ISY1: variants seen among roughly 807,000 people sequenced by gnomAD.
The protein encoded by ISY1 is pre-mRNA-splicing factor ISY1 homolog.
Under a neutral mutation model 54.4 loss-of-function variants are expected in ISY1, and 12 were observed. The observed-to-expected ratio is 0.22, with a 90% CI of 0.14 to 0.36. The LOEUF (loss-of-function observed/expected upper bound fraction) is 0.36. Ranked by LOEUF, ISY1 falls within the 10% of genes least tolerant of loss-of-function variation. The pLI is 1.00. For synonymous variants in ISY1, 96 were observed against 117.9 expected (o/e 0.81, Z 1.20); for missense variants, 282 against 342.2 (o/e 0.82, Z 1.39).
intron 6 of ISY1, among the ~76,000 whole-genome samples, chr3:129,140,937 G>A (rs1936587687): frequency 6.6e-6 from 1 of 151,668 alleles, no homozygotes; most frequent in African/African-American, 2.4e-5. Context: ...GGATGCAGTG[G>A]CTCACACCTG....
intron 9 of ISY1, among the ~76,000 whole-genome samples, chr3:129,133,168 A>T (rs1435199613): frequency 6.6e-6 from 1 of 152,238 alleles, no homozygotes; most frequent in Non-Finnish European, 1.5e-5. Flanking sequence ...AAGTTTTGGT[A>T]ATGTTTCATA....
At chr3:129,159,030 CAT>C in intron 2 of ISY1, 122 bp downstream of exon 2, 2 of 1,253,774 alleles carry the variant, frequency 1.6e-6, no homozygotes, top group Non-Finnish European at 2.3e-6. Flanking sequence ...AAGAACATAA[CAT>C]ATGTAAAGAA....
At chr3:129,157,595 C>A (rs1307223862) in intron 3 of ISY1, among the ~76,000 whole-genome samples, 2 of 151,818 alleles carry the variant, frequency 1.3e-5, no homozygotes, top group Non-Finnish European at 2.9e-5. Flanking sequence ...GTGATATGTG[C>A]CTGTAATTCC....
At chr3:129,159,541 C>T (rs1234976671) in intron 1 of ISY1, among the ~76,000 whole-genome samples, 1 of 152,140 alleles carries the variant, frequency 6.6e-6, no homozygotes, top group Non-Finnish European at 1.5e-5. Flanking sequence ...ATTTAACACC[C>T]AGCATCACAA....
At chr3:129,133,491 C>T (rs1454936613) in intron 9 of ISY1, among the ~76,000 whole-genome samples, 1 of 152,068 alleles carries the variant, frequency 6.6e-6, no homozygotes, top group Non-Finnish European at 1.5e-5. Flanking sequence ...GTCAGGAGTT[C>T]GAGACCAGCC....
In ISY1 at chr3:129,134,119, C is replaced by CTCCTCCTCT; in HGVS notation, c.609_617dup (p.Glu209_Glu211dup). On this transcript the variant is annotated inframe_insertion, in exon 9 of 11. Transcript: ENST00000393295. ...AGATGTTGATCTCTTCCTCCTCTTC[C>CTCCTCCTCT]TCCTCCTCTTCCTTTTCTCCTCTTG... 6.2e-7 allele frequency: 1 copy of CTCCTCCTCT among 1,614,118 alleles called. No individual in the cohort carries two copies. Among genetic ancestry groups the CTCCTCCTCT allele is most frequent in the Non-Finnish European group, 8.5e-7 (1 of 1,180,004 alleles).
At chr3:129,131,689 A>G (rs6767719) in intron 9 of ISY1, among the ~76,000 whole-genome samples, 143,285 of 152,314 alleles carry the variant, frequency 0.94, 67,594 homozygotes, top group East Asian at 0.99. Context: ...GCATCATGTT[A>G]AGTGTCAAGG....
intron 9 of ISY1, among the ~76,000 whole-genome samples, chr3:129,133,068 T>C (rs1936280092): frequency 6.6e-6 from 1 of 151,994 alleles, no homozygotes. Flanking sequence ...GGACTCCAAA[T>C]ATAGGGCCCC....
intron 5 of ISY1, among the ~76,000 whole-genome samples, chr3:129,146,576 C>A (rs1433938575): frequency 6.6e-6 from 1 of 152,090 alleles, no homozygotes; most frequent in Non-Finnish European, 1.5e-5. Flanking sequence ...GGCTCTTACA[C>A]CTGGGTTACA....
intron 5 of ISY1, among the ~76,000 whole-genome samples, chr3:129,153,294 G>A (rs1937031578): frequency 2.0e-5 from 3 of 152,158 alleles, no homozygotes; most frequent in Admixed American, 6.6e-5. Context: ...ACAGGCGTGA[G>A]CCACGGTGCA....
chr3:129,138,452 G>C (rs570626832), intron 7 of ISY1, among the ~76,000 whole-genome samples: 2 of 151,478 alleles, frequency 1.3e-5, no homozygotes, highest in Non-Finnish European at 2.9e-5. Context: ...TGGCTAACAC[G>C]GTGAAACCCC....
chr3:129,137,290 G>C (rs1936437783), intron 7 of ISY1: 3 of 859,252 alleles, frequency 3.5e-6, no homozygotes, highest in Non-Finnish European at 4.2e-6. Context: ...ACTGGGATGA[G>C]TGTAGAGGTA....
chr3:129,129,931 C>T lies in ISY1; in HGVS notation c.*150G>A, dbSNP rs961525818. 3 of 576,822 alleles carry T rather than the reference C, an allele frequency of 5.2e-6. No individual in the cohort carries two copies. Among genetic ancestry groups the T allele is most frequent in the Admixed American group, 3.6e-5 (1 of 27,900 alleles). The allele number at this position is 576,822 out of a possible 1,614,324, so 35.7% of individuals were successfully genotyped here. On this transcript the variant is annotated 3_prime_UTR_variant, in exon 11 of 11. Coordinates refer to ENST00000393295, the MANE Select transcript of ISY1 (RefSeq NM_020701.4). The stretch of plus-strand genomic sequence containing the variant: ...CCTACCAGGAAGACCAGGGACAGAC[C>T]CCTACCCTCCGGTCAACATGAGACA...
At chr3:129,155,962 C>T (rs116350425) in intron 5 of ISY1, among the ~76,000 whole-genome samples, 1,709 of 152,146 alleles carry the variant, frequency 0.011, 18 homozygotes, top group Non-Finnish European at 0.015. Context: ...CTTAGGTGAT[C>T]CTCCCTCCTC....
At chr3:129,158,157 CTT>C (rs1298936856) in intron 3 of ISY1, among the ~76,000 whole-genome samples, 5 of 141,180 alleles carry the variant, frequency 3.5e-5, no homozygotes, top group Admixed American at 2.1e-4. Context: ...CTGCACCCTA[CTT>C]TTTTTTTTTT....
chr3:129,159,552 T>C (rs1372877351), intron 1 of ISY1, among the ~76,000 whole-genome samples: 1 of 152,200 alleles, frequency 6.6e-6, no homozygotes, highest in Non-Finnish European at 1.5e-5. Context: ...AGCATCACAA[T>C]TGCCTGTTCC....
chr3:129,137,487 CAT>C (rs1936449286), intron 7 of ISY1, among the ~76,000 whole-genome samples: 1 of 152,132 alleles, frequency 6.6e-6, no homozygotes. Flanking sequence ...AAAAACCTAA[CAT>C]ATAGAGCATA....
chr3:129,138,066 G>A (rs1936477615), intron 7 of ISY1, among the ~76,000 whole-genome samples: 1 of 148,248 alleles, frequency 6.7e-6, no homozygotes, highest in African/African-American at 2.5e-5. Context: ...CACAAGGTCA[G>A]GAGATTGAGA....
chr3:129,146,310 T>C (rs1264043764), intron 5 of ISY1, among the ~76,000 whole-genome samples: 1 of 152,116 alleles, frequency 6.6e-6, no homozygotes. Context: ...TGTATTGCTA[T>C]ATGGGAAAAA....
Sources: gnomAD v4.1 joint callset for allele counts (sites outside exome capture counted in the v4.1 genomes callset) on GRCh38, gnomAD v4.1.1 for gene constraint, MANE v1.5 for transcripts, NCBI Gene and HGNC (gene_info 2026-07-23, HGNC 2026-07-21) for gene names.